The following MCF2L2 variants were observed in gnomAD, a reference collection of about 807,000 sequenced individuals.
MCF2L2 encodes probable guanine nucleotide exchange factor MCF2L2.
In MCF2L2, 102 loss-of-function variants were observed where a neutral mutation model predicts 150.2. That is an observed-to-expected ratio of 0.68 (90% confidence interval 0.58 to 0.80). The LOEUF is 0.80. MCF2L2 is among the 30% of genes least tolerant of loss of function. The pLI is 0.00. For synonymous variants in MCF2L2, 465 were observed against 491.3 expected (o/e 0.95, Z 0.71); for missense variants, 1,256 against 1,372.8 (o/e 0.91, Z 1.34).
intron 1 of MCF2L2, among the ~76,000 whole-genome samples, chr3:183,396,858 T>C (rs1369404589): frequency 1.3e-5 from 2 of 152,014 alleles, no homozygotes; most frequent in Non-Finnish European, 2.9e-5. Flanking sequence ...CATGTGAAGA[T>C]GGAGACAGAT....
intron 15 of MCF2L2, among the ~76,000 whole-genome samples, chr3:183,247,861 T>C (rs1050481517): frequency 3.3e-5 from 5 of 152,190 alleles, no homozygotes; most frequent in African/African-American, 1.2e-4. Context: ...CTGTGGACTT[T>C]GTTATCTGCA....
chr3:183,311,938 A>C (rs1333789424), intron 7 of MCF2L2, among the ~76,000 whole-genome samples, 166 bp from the exon 8 acceptor site: 2 of 152,246 alleles, frequency 1.3e-5, no homozygotes, highest in African/African-American at 2.4e-5. Context: ...GACAGGTAAC[A>C]CACCGACATG....
At chr3:183,316,979 T>G (rs936717749) in intron 7 of MCF2L2, among the ~76,000 whole-genome samples, 2 of 152,204 alleles carry the variant, frequency 1.3e-5, no homozygotes, top group Non-Finnish European at 2.9e-5. Context: ...GTGCTGGGAT[T>G]ACAGGCGTGA....
rs143287036 is a variant in MCF2L2, at chr3:183,304,199, C to T, written c.1114-4003G>A. Among the ~76,000 whole-genome samples the T allele has an allele frequency of 7.5e-4, 114 of 152,334 alleles. 1 individual carries two copies. Among genetic ancestry groups the T allele is most frequent in the African/African-American group, 2.2e-3 (91 of 41,570 alleles). On this transcript the variant is annotated intron_variant, in intron 10 of 29. Transcript: ENST00000328913. ...GTTGTGACCACTTATCTGCTGCCTG[C>T]GCTATGCCACAGACACCTATGGTCC...
chr3:183,232,547 G>A (rs1723607903), intron 15 of MCF2L2, among the ~76,000 whole-genome samples: 1 of 152,116 alleles, frequency 6.6e-6, no homozygotes, highest in Non-Finnish European at 1.5e-5. Context: ...ATGTGTCCTT[G>A]TGTAGAATAT....
At chr3:183,406,878 C>A (rs898388951) in intron 1 of MCF2L2, among the ~76,000 whole-genome samples, 1 of 152,266 alleles carries the variant, frequency 6.6e-6, no homozygotes, top group Non-Finnish European at 1.5e-5. Context: ...GTCAACGTTA[C>A]CAAAATCTAA....
chr3:183,270,756 A>G lies in MCF2L2; in HGVS notation c.1862+6116T>C. ...TCATCCCTGCATCTATGAAAAAATGATGACATCTCATGGACACTTAGAAGA... is the reference window on the plus strand; with the variant it reads ...TCATCCCTGCATCTATGAAAAAATGGTGACATCTCATGGACACTTAGAAGA... On this transcript the variant is annotated intron_variant, in intron 15 of 29. Coordinates refer to ENST00000328913, the MANE Select transcript of MCF2L2 (RefSeq NM_015078.4). This position sits in a 1 kb window ranked among gnomAD's most constrained non-coding sequence, Gnocchi z 4.5. The G allele has an allele frequency of 6.2e-7, 1 of 1,613,724 alleles. No individual in the cohort carries two copies. Among genetic ancestry groups the G allele is most frequent in the Non-Finnish European group, 8.5e-7 (1 of 1,179,898 alleles).
intron 22 of MCF2L2, among the ~76,000 whole-genome samples, chr3:183,208,363 T>G (rs1722573035): frequency 6.6e-6 from 1 of 152,172 alleles, no homozygotes; most frequent in East Asian, 1.9e-4. Flanking sequence ...CTTCACAACA[T>G]TGTAATGGAA....
chr3:183,348,083 T>C (rs910466656), intron 3 of MCF2L2, among the ~76,000 whole-genome samples: 1 of 152,144 alleles, frequency 6.6e-6, no homozygotes, highest in Non-Finnish European at 1.5e-5. Context: ...ATCATTCTAC[T>C]ATAAAGACAC....
intron 15 of MCF2L2, among the ~76,000 whole-genome samples, chr3:183,232,248 T>C (rs1178173619): frequency 1.3e-5 from 2 of 152,200 alleles, no homozygotes; most frequent in Non-Finnish European, 2.9e-5. Flanking sequence ...AGTCCTATAG[T>C]TGCAAGGAAC....
At chr3:183,339,928 C>T (rs768868086) in intron 4 of MCF2L2, among the ~76,000 whole-genome samples, 10 of 152,126 alleles carry the variant, frequency 6.6e-5, no homozygotes, top group African/African-American at 1.2e-4. Flanking sequence ...AAGTGATCAA[C>T]GTAATTCTGG....
chr3:183,425,796 A>G (rs193057848), intron 1 of MCF2L2, among the ~76,000 whole-genome samples: 6 of 152,282 alleles, frequency 3.9e-5, no homozygotes, highest in Non-Finnish European at 8.8e-5. Context: ...TACTAAAAAT[A>G]CAAAAAAAAT....
intron 3 of MCF2L2, chr3:183,372,765 A>C (rs1274410899): frequency 6.6e-6 from 1 of 152,228 alleles, no homozygotes; most frequent in Non-Finnish European, 1.5e-5. Flanking sequence ...CTGCTCTTGT[A>C]CCATCTAATA....
At chr3:183,364,956 A>G (rs1279202304) in intron 3 of MCF2L2, among the ~76,000 whole-genome samples, 2 of 152,192 alleles carry the variant, frequency 1.3e-5, no homozygotes, top group African/African-American at 4.8e-5. Flanking sequence ...CAATGCCACA[A>G]AATTGTTTCA....
At chr3:183,304,228 A>G (rs1728989802) in intron 10 of MCF2L2, among the ~76,000 whole-genome samples, 2 of 152,220 alleles carry the variant, frequency 1.3e-5, no homozygotes, top group South Asian at 4.1e-4. Flanking sequence ...ATGGTCCAGA[A>G]CCAGCTCTTA....
At chr3:183,307,783 T>C (rs746391740) in intron 10 of MCF2L2, among the ~76,000 whole-genome samples, 3 of 152,228 alleles carry the variant, frequency 2.0e-5, no homozygotes, top group Admixed American at 6.5e-5. Context: ...AAAATTCAAA[T>C]CCTCACAAAA....
intron 2 of MCF2L2, among the ~76,000 whole-genome samples, chr3:183,388,564 G>C (rs1034536444): frequency 2.0e-5 from 3 of 152,148 alleles, no homozygotes; most frequent in Non-Finnish European, 4.4e-5. Context: ...TTTTTGTACT[G>C]AGCACCTTTT....
intron 3 of MCF2L2, among the ~76,000 whole-genome samples, chr3:183,364,855 T>C (rs1032646873): frequency 6.6e-6 from 1 of 152,292 alleles, no homozygotes; most frequent in East Asian, 1.9e-4. Context: ...AATGTAAAAC[T>C]TAAACAGGAC....
rs759992762 is a variant in MCF2L2 at position 183,270,547 on chromosome 3, C to T, written c.1862+6325G>A. 1 of 1,614,154 alleles carries T rather than the reference C, an allele frequency of 6.2e-7. No homozygotes were observed. The highest frequency in any genetic ancestry group is 2.2e-5 in the East Asian group (1 of 44,876). On this transcript the variant is annotated intron_variant, in intron 15 of 29. Transcript: ENST00000328913. The surrounding 1 kb of genome is among the most constrained non-coding windows in gnomAD (Gnocchi z 4.5). ...GAAATGTACCAGTGGCCAGCTTACC[C>T]TGACTACACAGCCGGAGCTGCCTAT...
Sources: allele counts gnomAD v4.1 joint callset (sites outside exome capture counted in the v4.1 genomes callset), GRCh38; gene constraint gnomAD v4.1.1; non-coding constraint Gnocchi (gnomAD v3.1); transcripts MANE v1.5; gene names NCBI Gene and HGNC (gene_info 2026-07-23, HGNC 2026-07-21).